MPHOSPH6: variants seen among roughly 807,000 people sequenced by gnomAD.
MPHOSPH6 encodes M-phase phosphoprotein 6.
MPHOSPH6 carries 25 observed loss-of-function variants against 21.8 expected under a neutral mutation model. The ratio of observed to expected loss-of-function variants is 1.15; its 90% CI spans 0.83 to 1.60. The LOEUF (loss-of-function observed/expected upper bound fraction) is 1.60. Among genes scored for constraint, MPHOSPH6 ranks in the 40% most tolerant of loss-of-function variants. The pLI is 0.00. For missense variants in MPHOSPH6, 269 were observed against 181.8 expected (o/e 1.48, Z -2.76); for synonymous variants, 84 against 56.5 (o/e 1.49, Z -2.18).
intron 2 of MPHOSPH6, among the ~76,000 whole-genome samples, chr16:82,155,533 T>C (rs1440397840): frequency 6.6e-6 from 1 of 152,178 alleles, no homozygotes; most frequent in African/African-American, 2.4e-5. Context: ...ACAAATAAGT[T>C]TGAAAAAACT....
intron 2 of MPHOSPH6, among the ~76,000 whole-genome samples, chr16:82,161,101 T>C (rs1336567070): frequency 6.6e-6 from 1 of 152,218 alleles, no homozygotes; most frequent in Non-Finnish European, 1.5e-5. Flanking sequence ...AAAGCTAACA[T>C]AAAAACACTC....
rs1274030759 is a variant in MPHOSPH6 at position 82,157,866 on chromosome 16, C to A, written c.164+6216G>T. On this transcript the variant is annotated intron_variant, in intron 2 of 4. Coordinates refer to ENST00000258169, the MANE Select transcript of MPHOSPH6 (RefSeq NM_005792.2). The stretch of plus-strand genomic sequence containing the variant: ...CTGCCTGAGAAACATAAAGCCCCTG[C>A]AGTTGGAATGGAGACAATGCAGAGT... Among the ~76,000 whole-genome samples the A allele has an allele frequency of 3.3e-5, 5 of 152,148 alleles. No individual in the cohort carries two copies. The East Asian group carries it at 9.6e-4, about 29-fold the overall frequency.
At chr16:82,165,412 C>T (rs995030078) in intron 1 of MPHOSPH6, among the ~76,000 whole-genome samples, 1 of 152,082 alleles carries the variant, frequency 6.6e-6, no homozygotes, top group Non-Finnish European at 1.5e-5. Flanking sequence ...GTGTGAGCCG[C>T]TGCGCCCGGC....
Position 82,148,674 on chromosome 16 carries a change from C to T in MPHOSPH6, c.*57G>A. 2 of 1,593,892 alleles carry T rather than the reference C, an allele frequency of 1.3e-6. No individual in the cohort carries two copies. Among genetic ancestry groups the T allele is most frequent in the South Asian group, 1.1e-5 (1 of 88,810 alleles). On this transcript the variant is annotated 3_prime_UTR_variant, in exon 5 of 5. Coordinates refer to ENST00000258169, the MANE Select transcript of MPHOSPH6 (RefSeq NM_005792.2). ...ATAGAGACACCATTGGGATGAGCTCCAGATGCCCTGCTGACTTCCACCAAG... is the reference window on the plus strand; with the variant it reads ...ATAGAGACACCATTGGGATGAGCTCTAGATGCCCTGCTGACTTCCACCAAG...
At chr16:82,169,021 AAG>A (rs1417160308) in intron 1 of MPHOSPH6, among the ~76,000 whole-genome samples, 1 of 152,176 alleles carries the variant, frequency 6.6e-6, no homozygotes, top group Non-Finnish European at 1.5e-5. Context: ...TAGCTGTAAG[AAG>A]AGAGTTACTG....
intron 2 of MPHOSPH6, among the ~76,000 whole-genome samples, chr16:82,157,693 C>G (rs1027866624): frequency 8.5e-5 from 13 of 152,156 alleles, no homozygotes; most frequent in Non-Finnish European, 1.8e-4. Context: ...GGAGAGGCGT[C>G]TTTTAAAAGA....
At chr16:82,157,605 C>T (rs1906468098) in intron 2 of MPHOSPH6, among the ~76,000 whole-genome samples, 2 of 152,112 alleles carry the variant, frequency 1.3e-5, no homozygotes. Flanking sequence ...GACTTAAGTA[C>T]ATTCCACTGA....
At position 82,170,221 on chromosome 16, in the gene MPHOSPH6, A is replaced by C; in HGVS notation, c.-46T>G. On this transcript the variant is annotated 5_prime_UTR_variant, in exon 1 of 5. Transcript: ENST00000258169. ...GCACTCCGGCCGCGAGCCTCACCGC[A>C]CATGCGCGGAGCCGCGTGCGCAGCT... 6.4e-7 allele frequency: 1 copy of C among 1,553,538 alleles called. No homozygotes were observed. The highest frequency in any genetic ancestry group is 8.7e-7 in the Non-Finnish European group (1 of 1,151,964).
chr16:82,157,747 G>A (rs1906473758), intron 2 of MPHOSPH6, among the ~76,000 whole-genome samples: 1 of 152,194 alleles, frequency 6.6e-6, no homozygotes, highest in Admixed American at 6.5e-5. Context: ...TCTGAGCAAG[G>A]ACCAGGAGGC....
rs1284206111 is a variant in MPHOSPH6, at chr16:82,149,457, C to A, written c.256-54G>T. 25 of 1,514,486 alleles carry A rather than the reference C, an allele frequency of 1.7e-5. No homozygotes were observed. The East Asian group carries it at 2.5e-4, about 15-fold the overall frequency. The allele number at this position is 1,514,486 out of a possible 1,614,324, so 93.8% of individuals were successfully genotyped here. A position where few individuals can be genotyped will look rare whatever the true frequency, so the allele number is the denominator to read the frequency against. ...GGCTAGAAAACGCTTGTGAAAGGAACTGATGTCAAACTTACCTGAAGGCAG... is the reference window on the plus strand; with the variant it reads ...GGCTAGAAAACGCTTGTGAAAGGAAATGATGTCAAACTTACCTGAAGGCAG... On this transcript the variant is annotated intron_variant, in intron 3 of 4. Transcript: ENST00000258169.
rs377090707 is a variant in MPHOSPH6 at position 82,170,201 on chromosome 16, C to G, written c.-26G>C. 56 of 1,558,288 alleles carry G rather than the reference C, an allele frequency of 3.6e-5. 1 individual carries two copies. The highest frequency in any genetic ancestry group is 2.3e-4 in the East Asian group (9 of 38,928). On this transcript the variant is annotated 5_prime_UTR_variant, in exon 1 of 5. Coordinates refer to ENST00000258169, the MANE Select transcript of MPHOSPH6 (RefSeq NM_005792.2). ...GGTAGCTTCCGCCCAGCGCCGCACTCCGGCCGCGAGCCTCACCGCACATGC... is the reference window on the plus strand; with the variant it reads ...GGTAGCTTCCGCCCAGCGCCGCACTGCGGCCGCGAGCCTCACCGCACATGC...
chr16:82,149,422 C>G lies in MPHOSPH6; in HGVS notation c.256-19G>C. ...TCAATTTCTGAAAAATACACCAGTG[C>G]TGACCTTCAGGCTAGAAAACGCTTG... On this transcript the variant is annotated intron_variant, in intron 3 of 4. Coordinates refer to ENST00000258169, the MANE Select transcript of MPHOSPH6 (RefSeq NM_005792.2). The G allele has an allele frequency of 6.2e-7, 1 of 1,605,214 alleles. No individual in the cohort carries two copies. Among genetic ancestry groups the G allele is most frequent in the African/African-American group, 1.3e-5 (1 of 74,942 alleles).
rs1297321716 is a variant in MPHOSPH6 at position 82,165,128 on chromosome 16, TTTTTA to T, written c.52-939_52-935del. ...GTCCGATATTTCTTTTTTATTTTTT[TTTTTA>T]TTTTTTTTTTTTGAGACAGAGTCTC... is the stretch of plus-strand genomic sequence containing the variant. On this transcript the variant is annotated intron_variant, in intron 1 of 4. Transcript: ENST00000258169. Among the ~76,000 whole-genome samples the T allele has an allele frequency of 3.4e-4, 30 of 88,544 alleles. 2 individuals are homozygous for T. Among genetic ancestry groups the T allele is most frequent in the South Asian group, 1.6e-3 (4 of 2,564 alleles). 58.1% of individuals were successfully genotyped at this position (88,544 alleles called of 152,430 possible).
intron 1 of MPHOSPH6, among the ~76,000 whole-genome samples, chr16:82,168,637 A>G (rs1374753306): frequency 6.6e-6 from 1 of 152,024 alleles, no homozygotes; most frequent in African/African-American, 2.4e-5. Flanking sequence ...GGCCTGGCTA[A>G]TATTTTGTAT....
At chr16:82,166,322 T>A (rs1906778090) in intron 1 of MPHOSPH6, among the ~76,000 whole-genome samples, 1 of 152,254 alleles carries the variant, frequency 6.6e-6, no homozygotes, top group Admixed American at 6.5e-5. Flanking sequence ...GAACTGCAGT[T>A]TCTGGAATGT....
At chr16:82,166,535 C>A (rs1906786132) in intron 1 of MPHOSPH6, among the ~76,000 whole-genome samples, 1 of 152,212 alleles carries the variant, frequency 6.6e-6, no homozygotes, top group African/African-American at 2.4e-5. Context: ...GAATATTGTT[C>A]ACCATCGTGC....
At chr16:82,152,331 G>A (rs2142405526) in intron 2 of MPHOSPH6, among the ~76,000 whole-genome samples, 1 of 152,298 alleles carries the variant, frequency 6.6e-6, no homozygotes, top group African/African-American at 2.4e-5. Flanking sequence ...TCCAGGAGAA[G>A]TAGTGGGAAA....
chr16:82,158,498 C>CAAAAA (rs3037959), intron 2 of MPHOSPH6, among the ~76,000 whole-genome samples: 5 of 81,512 alleles, frequency 6.1e-5, no homozygotes, highest in Non-Finnish European at 9.3e-5. Flanking sequence ...GACTCCGTCT[C>CAAAAA]AAAAAAAAAA....
chr16:82,155,881 G>A (rs7184881), intron 2 of MPHOSPH6, among the ~76,000 whole-genome samples: 1 of 151,280 alleles, frequency 6.6e-6, no homozygotes, highest in African/African-American at 2.4e-5. Flanking sequence ...CTCCAGCCTG[G>A]GTGACAGAGT....
Sources: gnomAD v4.1 joint callset for allele counts (sites outside exome capture counted in the v4.1 genomes callset) on GRCh38, gnomAD v4.1.1 for gene constraint, MANE v1.5 for transcripts, NCBI Gene and HGNC (gene_info 2026-07-23, HGNC 2026-07-21) for gene names.